The following RHBDF1 variants were observed in gnomAD, a reference collection of about 807,000 sequenced individuals.
RHBDF1 encodes rhomboid 5 homolog 1.
RHBDF1 carries 80 observed loss-of-function variants against 98.6 expected under a neutral mutation model. The observed-to-expected ratio is 0.81, with a 90% CI of 0.68 to 0.98. The LOEUF is 0.98. RHBDF1 is among the 50% of genes least tolerant of loss of function. RHBDF1 has a pLI of 0.00. For missense variants in RHBDF1, 1,116 were observed against 1,198.3 expected, an observed-to-expected ratio of 0.93 and a Z score of 1.01; for synonymous variants, 512 against 486.8, an observed-to-expected ratio of 1.05 and a Z score of -0.68.
At chr16:70,977 T>G (rs955608475) in intron 1 of RHBDF1, among the ~76,000 whole-genome samples, 1 of 152,154 alleles carries the variant, frequency 6.6e-6, no homozygotes, top group Non-Finnish European at 1.5e-5. Flanking sequence ...GCACAGACAC[T>G]GAGGTGGGGG....
intron 1 of RHBDF1, among the ~76,000 whole-genome samples, chr16:70,011 A>AG (rs11306273): frequency 0.13 from 10,411 of 79,180 alleles, 1,264 homozygotes; most frequent in African/African-American, 0.28. Context: ...ACTTGGCAGG[A>AG]GGGGGGGGGG....
chr16:60,679 A>T (rs1261534312), intron 11 of RHBDF1, 140 bp from the exon 12 acceptor site: 1 of 617,496 alleles, frequency 1.6e-6, no homozygotes, highest in African/African-American at 1.8e-5. Context: ...ATGCACGTGC[A>T]TGTTGGAAAA....
chr16:73,914 T>G (rs1016649498), upstream of RHBDF1: 1 of 984,320 alleles, frequency 1.0e-6, no homozygotes, highest in African/African-American at 1.7e-5. Context: ...GCTGGTACAC[T>G]TACCGGTAGA....
In RHBDF1 at chr16:67,180, G is replaced by A. The variant is rs138573532; in HGVS notation, c.-24-2141C>T. 2.2e-3 allele frequency among the ~76,000 whole-genome samples: 338 copies of A among 152,354 alleles called. 1 individual carries two copies. The highest frequency in any genetic ancestry group is 3.6e-3 in the Non-Finnish European group (242 of 68,022). On this transcript the variant is annotated intron_variant, in intron 1 of 17. Transcript: ENST00000262316. ...TGGAATTTCAGACAGCATCAGACAC[G>A]TTGGGAAGGCAGGTGGTGCTCGGCA...
In RHBDF1 at chr16:58,321, G is replaced by C; in HGVS notation, c.*19C>G. The C allele has an allele frequency of 6.2e-7, 1 of 1,600,700 alleles. No individual in the cohort carries two copies. Among genetic ancestry groups the C allele is most frequent in the Non-Finnish European group, 8.5e-7 (1 of 1,172,810 alleles). ...CTCTGGCCTGCTGGAGCACACGGCC[G>C]CTGGAGCCCGCAGCCAGCTCAGTGG... On this transcript the variant is annotated 3_prime_UTR_variant, in exon 18 of 18. Transcript: ENST00000262316.
rs367865586 is a variant in RHBDF1 at position 68,787 on chromosome 16, G to T, written c.-25+3726C>A. Among the ~76,000 whole-genome samples the T allele has an allele frequency of 2.6e-3, 391 of 152,334 alleles. 2 individuals carry two copies. The highest frequency in any genetic ancestry group is 0.019 in the South Asian group (94 of 4,834). ...GCCTGGTGTGGAAGGGCTGAGTGGG[G>T]GATGGTGGAGAGTCCTGTTAACTCA... On this transcript the variant is annotated intron_variant, in intron 1 of 17. Transcript: ENST00000262316.
At chr16:64,674 T>C in intron 3 of RHBDF1, 25 bp downstream of exon 3, 1 of 1,591,430 alleles carries the variant, frequency 6.3e-7, no homozygotes. Context: ...TCCCACCCCA[T>C]GGAGCAGCTG....
chr16:58,115 C>T lies in RHBDF1; in HGVS notation c.*225G>A, dbSNP rs531563874. On this transcript the variant is annotated 3_prime_UTR_variant, in exon 18 of 18. Transcript: ENST00000262316. ...CCATTTATTGGCCACATGAGGTGGT[C>T]GTCAAGAAACAAGTTAGAAGGTTAT... 9 of 505,674 alleles carry T rather than the reference C, an allele frequency of 1.8e-5. No homozygotes were observed. The highest frequency in any genetic ancestry group is 3.8e-5 in the African/African-American group (2 of 52,148). 31.3% of individuals were successfully genotyped at this position (505,674 alleles called of 1,614,324 possible). A position where few individuals can be genotyped will look rare whatever the true frequency, so the allele number is the denominator to read the frequency against.
chr16:72,792 C>A (rs1898013634), upstream of RHBDF1, among the ~76,000 whole-genome samples: 1 of 152,152 alleles, frequency 6.6e-6, no homozygotes, highest in Admixed American at 6.5e-5. Context: ...CCTGCGGGGA[C>A]ACCTGGGGCT....
upstream of RHBDF1, chr16:72,754 C>T: frequency 1.1e-6 from 1 of 918,814 alleles, no homozygotes; most frequent in Non-Finnish European, 1.3e-6. Flanking sequence ...CCCGGAAGGC[C>T]GCCGGGCTCC....
intron 1 of RHBDF1, among the ~76,000 whole-genome samples, chr16:70,887 G>A (rs1316010507): frequency 6.6e-6 from 1 of 152,236 alleles, no homozygotes; most frequent in East Asian, 1.9e-4. Context: ...GAAGAAGGAA[G>A]GACTCACCCC....
rs1336823715 is a variant in RHBDF1 at position 65,006 on chromosome 16, C to A, written c.10G>T (p.Ala4Ser). The change falls in exon 2 of 18, where the codon GCC becomes TCC. Residue 4 changes from alanine (A) to serine (S), a missense_variant. Physicochemically the swap from Ala to Ser is moderately conservative, Grantham distance 99. Transcript: ENST00000262316. Reference sequence around the variant, plus strand: ...AGGCTGCTCGTGCTGTCCCTGCGGGCCTCACTCATGGTTCCTGGCAGAGCA... The same window carrying A: ...AGGCTGCTCGTGCTGTCCCTGCGGGACTCACTCATGGTTCCTGGCAGAGCA... MSE[A>S]RRDSTSSLQR... 3.9e-6 allele frequency: 6 copies of A among 1,523,992 alleles called. No individual in the cohort carries two copies. Among genetic ancestry groups the A allele is most frequent in the African/African-American group, 1.4e-5 (1 of 72,442 alleles). 94.4% of individuals were successfully genotyped at this position (1,523,992 alleles called of 1,614,324 possible).
At chr16:75,321 G>A (rs1055545352), upstream of RHBDF1, among the ~76,000 whole-genome samples, 2 of 152,218 alleles carry the variant, frequency 1.3e-5, no homozygotes, top group African/African-American at 2.4e-5. Flanking sequence ...GCCCTGACCA[G>A]TAAGAGGAGT....
chr16:72,439 C>G (rs1243931162), intron 1 of RHBDF1, 74 bp downstream of exon 1: 2 of 617,582 alleles, frequency 3.2e-6, no homozygotes, highest in Admixed American at 1.3e-3. Flanking sequence ...GCTGAGGACT[C>G]GCCCCGCCCT....
rs144976546 is a variant in RHBDF1, at chr16:61,657, G to C, written c.1248C>G (p.Leu416=). The part of the protein sequence containing the change: ...FTYWLTFVHS[L]VTILAVCIYG... ...AGATGCACACGGCTAGGATGGTGAC[G>C]AGCGAGTGCACGAAGGTAAGCCAGT... is the stretch of plus-strand genomic sequence containing the variant. Residue 416 remains leucine (L), a synonymous_variant, in exon 9 of 18, where the codon CTC becomes CTG. Coordinates refer to ENST00000262316, the MANE Select transcript of RHBDF1 (RefSeq NM_022450.5). 6.2e-7 allele frequency: 1 copy of C among 1,613,352 alleles called. No homozygotes were observed. The highest frequency in any genetic ancestry group is 8.5e-7 in the Non-Finnish European group (1 of 1,179,922).
Position 59,732 on chromosome 16 carries a change from C to T in RHBDF1, c.1817G>A (p.Arg606Lys). Reference protein sequence around the residue: ...GRPCCIGTKGRCEITSREYCD... With the variant: ...GRPCCIGTKGKCEITSREYCD... ...TGCACTCGCTGGCACGCACACGTAC[C>T]TGCCCTTGGTGCCAATGCAGCAGGG... The change falls in exon 14 of 18, where the codon AGG (arginine) becomes AAG (lysine). Residue 606 changes from arginine to lysine, a missense_variant and splice_region_variant. Physicochemically the swap from Arg to Lys is conservative, Grantham distance 26. Coordinates refer to ENST00000262316, the MANE Select transcript of RHBDF1 (RefSeq NM_022450.5). 5 of 1,613,996 alleles carry T rather than the reference C, an allele frequency of 3.1e-6. No individual in the cohort carries two copies. The highest frequency in any genetic ancestry group is 1.3e-5 in the African/African-American group (1 of 75,076).
intron 3 of RHBDF1, chr16:64,493 CT>C: frequency 2.6e-6 from 4 of 1,529,512 alleles, no homozygotes; most frequent in Non-Finnish European, 3.5e-6. Context: ...AGAGTGAGTG[CT>C]GAAGAGAAGG....
Position 60,483 on chromosome 16 carries a change from C to G in RHBDF1, c.1614G>C (p.Ala538=). ...WPIHPSAPEL[A]GHKRQFGSVC... is the part of the protein sequence containing the mutation. The stretch of plus-strand genomic sequence containing the variant: ...CAGAGCCAAACTGTCTCTTGTGGCC[C>G]GCAAGCTCTGGGGCGCTGGGATGGA... Residue 538 remains alanine, a synonymous_variant, in exon 12 of 18, where the codon GCG becomes GCC. Coordinates refer to ENST00000262316, the MANE Select transcript of RHBDF1 (RefSeq NM_022450.5). 6.2e-7 allele frequency: 1 copy of G among 1,611,942 alleles called. No homozygotes were observed. The highest frequency in any genetic ancestry group is 8.5e-7 in the Non-Finnish European group (1 of 1,179,990).
chr16:73,322 G>A (rs970311001), upstream of RHBDF1, among the ~76,000 whole-genome samples: 4 of 150,568 alleles, frequency 2.7e-5, no homozygotes, highest in African/African-American at 4.9e-5. Context: ...CAGAAGCCCC[G>A]CTCCACCAGC....
Sources: gnomAD v4.1 joint callset for allele counts (sites outside exome capture counted in the v4.1 genomes callset) on GRCh38, gnomAD v4.1.1 for gene constraint, MANE v1.5 for transcripts, NCBI Gene and HGNC (gene_info 2026-07-23, HGNC 2026-07-21) for gene names.